Variants in NLRC3 observed in about 807,000 individuals in gnomAD.
The protein encoded by NLRC3 is NLR family CARD domain-containing protein 3.
NLRC3 carries 87 observed loss-of-function variants against 91.6 expected under a neutral mutation model. The ratio of observed to expected loss-of-function variants is 0.95; its 90% confidence interval spans 0.80 to 1.14. The LOEUF (loss-of-function observed/expected upper bound fraction) is 1.14. Among genes scored for constraint, NLRC3 ranks in the 50% most tolerant of loss-of-function variants. NLRC3 has a pLI of 0.00. For missense variants in NLRC3, 1,577 were observed against 1,418.6 expected, an observed-to-expected ratio of 1.11 and a Z score of -1.79; for synonymous variants, 694 against 625.3, an observed-to-expected ratio of 1.11 and a Z score of -1.64.
Position 3,549,155 on chromosome 16 carries a change from G to T in NLRC3, c.2590C>A (p.Leu864Met). The T allele has an allele frequency of 6.3e-7, 1 of 1,579,626 alleles. No homozygotes were observed. The highest frequency in any genetic ancestry group is 8.6e-7 in the Non-Finnish European group (1 of 1,162,132). ...IAHALCANST[L>M]KNLDLTANLL... The stretch of plus-strand genomic sequence containing the variant: ...CCCACCACGTACTCCAGGTTCTTCA[G>T]GGTGCTGTTGGCGCAGAGGGCATGA... Residue 864 changes from leucine to methionine, a missense_variant, in exon 13 of 20, where the codon CTG becomes ATG. Leu to Met is a conservative substitution (Grantham distance 15). Transcript: ENST00000359128.
chr16:3,548,564 C>T, intron 14 of NLRC3, 106 bp downstream of exon 14: 1 of 855,140 alleles, frequency 1.2e-6, no homozygotes, highest in Non-Finnish European at 1.9e-6. Context: ...GAGACCTTTG[C>T]AGGGGGTGTC....
At chr16:3,574,113 C>G (rs1356383801) in intron 1 of NLRC3, among the ~76,000 whole-genome samples, 1 of 143,894 alleles carries the variant, frequency 6.9e-6, no homozygotes, top group Admixed American at 7.3e-5. Flanking sequence ...ACCTCTGCCT[C>G]CTGGGTTCAA....
intron 15 of NLRC3, among the ~76,000 whole-genome samples, chr16:3,547,197 G>A (rs1022211314): frequency 2.6e-5 from 4 of 152,160 alleles, no homozygotes; most frequent in Admixed American, 6.5e-5. Context: ...CCATACAATG[G>A]ATATCATTCA....
Position 3,544,325 on chromosome 16 carries a change from G to A in NLRC3, c.2776C>T (p.Gln926Ter). ...LNRSLTSLDL[Q>*]ENAIGDDGAC... is the part of the protein sequence containing the mutation. ...CCGTCATCCCCGATGGCGTTCTCCT[G>A]TAAACTAGACACAGAGTATGACCCC... Residue 926 changes from glutamine to a stop codon, truncating the protein, a stop_gained, in exon 16 of 20, where the codon CAG (glutamine) becomes TAG (stop). Transcript: ENST00000359128. LOFTEE classifies it high-confidence loss of function. 1 of 1,611,858 alleles carries A rather than the reference G, an allele frequency of 6.2e-7. No individual in the cohort carries two copies. The highest frequency in any genetic ancestry group is 8.5e-7 in the Non-Finnish European group (1 of 1,178,082).
At chr16:3,565,741 A>C (rs1054086767) in intron 2 of NLRC3, among the ~76,000 whole-genome samples, 2 of 151,976 alleles carry the variant, frequency 1.3e-5, no homozygotes, top group Admixed American at 6.6e-5. Flanking sequence ...CAGAACGTAC[A>C]ACTCCAAGAG....
At position 3,548,236 on chromosome 16, in the gene NLRC3, C is replaced by T. The variant is rs1555439563; in HGVS notation, c.2688-18G>A. 6.3e-6 allele frequency: 10 copies of T among 1,577,052 alleles called. No individual in the cohort carries two copies. The highest frequency in any genetic ancestry group is 8.6e-6 in the Non-Finnish European group (10 of 1,160,324). On this transcript the variant is annotated intron_variant, in intron 14 of 19. Transcript: ENST00000359128. ...ACTGCAGGCTGGGCAGACACAGACA[C>T]ATGTGACTATGTGACTATGTGACTA...
chr16:3,559,131 A>G (rs941327051), intron 6 of NLRC3, among the ~76,000 whole-genome samples: 3 of 152,148 alleles, frequency 2.0e-5, no homozygotes, highest in Non-Finnish European at 4.4e-5. Context: ...TCTTTTCTCT[A>G]AATTCCTTTT....
rs1309086663 is a variant in NLRC3, at chr16:3,563,845, G to A, written c.1092C>T (p.Tyr364=). The part of the protein sequence containing the change: ...LWPPRTLCEL[Y]SWYFRMALSG... ...TGAGGGCCATCCTAAAGTACCATGA[G>A]TAGAGCTCGCACAGGGTCCTCGGGG... is the stretch of plus-strand genomic sequence containing the variant. Residue 364 remains tyrosine (Y), a synonymous_variant, in exon 5 of 20, where the codon TAC becomes TAT. Transcript: ENST00000359128. 2 of 1,607,172 alleles carry A rather than the reference G, an allele frequency of 1.2e-6. No individual in the cohort carries two copies. Among genetic ancestry groups the A allele is most frequent in the African/African-American group, 2.7e-5 (2 of 74,816 alleles).
intron 10 of NLRC3, 116 bp downstream of exon 10, chr16:3,552,080 T>TC: frequency 2.9e-6 from 2 of 685,102 alleles, no homozygotes; most frequent in South Asian, 3.4e-5. Flanking sequence ...CACCCATCCA[T>TC]CCATTCACCT....
rs1407561849 is a variant in NLRC3, at chr16:3,540,704, G to A, written c.*1121C>T. 5 of 152,252 alleles carry A rather than the reference G, an allele frequency of 3.3e-5. No homozygotes were observed. The highest frequency in any genetic ancestry group is 3.8e-4 in the East Asian group (2 of 5,206). 9.4% of individuals were successfully genotyped at this position (152,252 alleles called of 1,614,324 possible). On this transcript the variant is annotated 3_prime_UTR_variant, in exon 20 of 20. Coordinates refer to ENST00000359128, the MANE Select transcript of NLRC3 (RefSeq NM_178844.4). Reference sequence around the variant, plus strand: ...TGTAGACCCAACTACTTGGGAGGCCGAGGCAGGAGAATCACTGGAACCCAT... The same window carrying A: ...TGTAGACCCAACTACTTGGGAGGCCAAGGCAGGAGAATCACTGGAACCCAT...
chr16:3,567,952 G>A (rs1018214281), intron 1 of NLRC3, among the ~76,000 whole-genome samples: 1 of 150,036 alleles, frequency 6.7e-6, no homozygotes, highest in Non-Finnish European at 1.5e-5. Context: ...TGAAACTTCT[G>A]CCTCCCAGGT....
In NLRC3 at chr16:3,563,293, C is replaced by G; in HGVS notation, c.1644G>C (p.Glu548Asp). The change falls in exon 5 of 20, where the codon GAG (glutamate) becomes GAC (aspartate). Residue 548 changes from glutamate to aspartate, a missense_variant. Coordinates refer to ENST00000359128, the MANE Select transcript of NLRC3 (RefSeq NM_178844.4). ...CGGGGCGCAGGCAGCCCTGCAGGAG[C>G]TCAGCCACCTGGGTCCGGTAGGCCT... ...EHQAYRTQVA[E>D]LLQGCLRPDA... is the part of the protein sequence containing the mutation. The G allele has an allele frequency of 6.2e-7, 1 of 1,602,364 alleles. No homozygotes were observed. Among genetic ancestry groups the G allele is most frequent in the East Asian group, 2.2e-5 (1 of 44,568 alleles).
chr16:3,549,317 G>A, intron 12 of NLRC3, 92 bp from the exon 13 acceptor site: 2 of 908,526 alleles, frequency 2.2e-6, no homozygotes, highest in South Asian at 2.9e-5. Flanking sequence ...TGAAGCCCAA[G>A]AAACTGCAGG....
intron 16 of NLRC3, chr16:3,543,998 A>T: frequency 2.1e-6 from 1 of 476,104 alleles, no homozygotes; most frequent in Non-Finnish European, 3.8e-6. Context: ...TACTAAAAAT[A>T]CAAAAATTAG....
At chr16:3,576,959 C>G (rs565678450) in intron 1 of NLRC3, among the ~76,000 whole-genome samples, 190 bp downstream of exon 1, 14 of 152,164 alleles carry the variant, frequency 9.2e-5, no homozygotes, top group East Asian at 1.9e-4. Context: ...CGTGAGCCAC[C>G]GTGCCTGGCC....
Position 3,552,421 on chromosome 16 carries a change from G to A in NLRC3, c.2268-142C>T, listed in dbSNP as rs969290713. 8 of 643,870 alleles carry A rather than the reference G, an allele frequency of 1.2e-5. No homozygotes were observed. In the African/African-American group the frequency reaches 1.4e-4, roughly 12 times the overall value. 39.9% of individuals were successfully genotyped at this position (643,870 alleles called of 1,614,324 possible). Reference sequence around the variant, plus strand: ...AGGTGGGGAGGGCGTTCTCCAGATGGGTCTTTGGATTGTTGCCTAAGTGAT... The same window carrying A: ...AGGTGGGGAGGGCGTTCTCCAGATGAGTCTTTGGATTGTTGCCTAAGTGAT... On this transcript the variant is annotated intron_variant, in intron 9 of 19. Transcript: ENST00000359128.
intron 1 of NLRC3, among the ~76,000 whole-genome samples, chr16:3,573,440 A>C (rs1266399940): frequency 6.6e-6 from 1 of 152,124 alleles, no homozygotes; most frequent in South Asian, 2.1e-4. Context: ...CACACACACA[A>C]AAGCTAGCAA....
chr16:3,575,525 A>G (rs2151110563), intron 1 of NLRC3, among the ~76,000 whole-genome samples: 1 of 152,340 alleles, frequency 6.6e-6, no homozygotes, highest in East Asian at 1.9e-4. Flanking sequence ...GGGCGAGGCC[A>G]GAGGGACGAG....
chr16:3,563,262 C>T lies in NLRC3; in HGVS notation c.1675G>A (p.Ala559Thr), dbSNP rs142571279. ...ACGTTGATGGCCCGTGCACAGACTG[C>T]GGCATCGGGGCGCAGGCAGCCCTGC... Reference protein sequence around the residue: ...LLQGCLRPDAAVCARAINVLH... With the variant: ...LLQGCLRPDATVCARAINVLH... The change falls in exon 5 of 20, where the codon GCA becomes ACA. Residue 559 changes from alanine to threonine, a missense_variant. Coordinates refer to ENST00000359128, the MANE Select transcript of NLRC3 (RefSeq NM_178844.4). 0.014 allele frequency: 21,903 copies of T among 1,605,248 alleles called. 214 individuals carry two copies. Among genetic ancestry groups the T allele is most frequent in the Non-Finnish European group, 0.015 (17,940 of 1,177,592 alleles).
Sources: gnomAD v4.1 joint callset for allele counts (sites outside exome capture counted in the v4.1 genomes callset) on GRCh38, gnomAD v4.1.1 for gene constraint, MANE v1.5 for transcripts, NCBI Gene and HGNC (gene_info 2026-07-23, HGNC 2026-07-21) for gene names.